The following SCIN variants were observed in gnomAD, a reference collection of about 807,000 sequenced individuals.
SCIN encodes scinderin.
Under a neutral mutation model 91.8 loss-of-function variants are expected in SCIN, and 91 were observed. The observed-to-expected ratio is 0.99, with a 90% CI of 0.84 to 1.18. The LOEUF is 1.18. SCIN is among the 50% of genes most tolerant of loss of function. The pLI is 0.00. For missense variants in SCIN, 1,087 were observed against 863.9 expected (o/e 1.26, Z -3.24); for synonymous variants, 367 against 312.6 (o/e 1.17, Z -1.84).
intron 4 of SCIN, among the ~76,000 whole-genome samples, chr7:12,612,234 T>C (rs1318001793): frequency 2.0e-5 from 3 of 152,200 alleles, no homozygotes; most frequent in Non-Finnish European, 4.4e-5. Context: ...GCATTGTGCC[T>C]GACACATAGG....
intron 3 of SCIN, among the ~76,000 whole-genome samples, chr7:12,585,028 C>T (rs1013352520): frequency 2.0e-5 from 3 of 152,056 alleles, no homozygotes; most frequent in Admixed American, 1.3e-4. Context: ...CTGTTTGGTC[C>T]GTGATGCAGC....
intron 4 of SCIN, among the ~76,000 whole-genome samples, chr7:12,620,901 C>T (rs702477): frequency 0.68 from 103,272 of 151,940 alleles, 35,138 homozygotes; most frequent in Admixed American, 0.75. Flanking sequence ...GAACAACTGA[C>T]GAAATTTTTA....
At chr7:12,649,647 AT>A in intron 14 of SCIN, 103 bp downstream of exon 14, 1 of 616,418 alleles carries the variant, frequency 1.6e-6, no homozygotes, top group Non-Finnish European at 2.7e-6. Context: ...GAGCCTAGAG[AT>A]TTAGGCTGTA....
chr7:12,648,218 TTA>T (rs1464090281), intron 13 of SCIN, among the ~76,000 whole-genome samples: 4 of 152,038 alleles, frequency 2.6e-5, no homozygotes, highest in African/African-American at 7.2e-5. Flanking sequence ...CATGCAAATA[TTA>T]TGTTATAATG....
intron 3 of SCIN, among the ~76,000 whole-genome samples, chr7:12,596,917 A>G (rs1782855089): frequency 6.6e-6 from 1 of 152,250 alleles, no homozygotes; most frequent in South Asian, 2.1e-4. Flanking sequence ...GACCTTCTAA[A>G]TATTTATTTC....
intron 9 of SCIN, among the ~76,000 whole-genome samples, chr7:12,629,626 G>A (rs731257): frequency 0.15 from 22,607 of 152,094 alleles, 2,495 homozygotes; most frequent in East Asian, 0.35. Context: ...AAAACCTGTA[G>A]GAGATACAAT....
Position 12,651,006 on chromosome 7 carries a change from C to T in SCIN, c.1960-835C>T, listed in dbSNP as rs1040927778. Among the ~76,000 whole-genome samples, 1 of 152,092 alleles carries T rather than the reference C, an allele frequency of 6.6e-6. No homozygotes were observed. The highest frequency in any genetic ancestry group is 2.4e-5 in the African/African-American group (1 of 41,392). On this transcript the variant is annotated intron_variant, in intron 14 of 15. Transcript: ENST00000297029. The surrounding 1 kb of genome is among the most constrained non-coding windows in gnomAD (Gnocchi z 5.9). ...TTCCCCTTCACTGTCCACAGGTTCACATAAAAATCAGTTGATAAAGGGCAG... is the reference window on the plus strand; with the variant it reads ...TTCCCCTTCACTGTCCACAGGTTCATATAAAAATCAGTTGATAAAGGGCAG...
intron 10 of SCIN, among the ~76,000 whole-genome samples, chr7:12,639,126 C>G (rs1783808726): frequency 6.6e-6 from 1 of 152,124 alleles, no homozygotes; most frequent in African/African-American, 2.4e-5. Context: ...ATATATTAAC[C>G]ATATTGAACA....
At chr7:12,623,006 C>G in intron 5 of SCIN, 113 bp downstream of exon 5, 1 of 610,986 alleles carries the variant, frequency 1.6e-6, no homozygotes, top group Non-Finnish European at 2.9e-6. Flanking sequence ...CATTGCTCTC[C>G]AAGAGCAATG....
intron 3 of SCIN, among the ~76,000 whole-genome samples, chr7:12,590,124 T>C (rs913729062): frequency 3.9e-5 from 6 of 152,200 alleles, no homozygotes; most frequent in Admixed American, 6.5e-5. Context: ...TCTGATTGTA[T>C]GGAGCCAGGG....
chr7:12,638,745 T>A (rs849765), intron 10 of SCIN, among the ~76,000 whole-genome samples: 1 of 152,056 alleles, frequency 6.6e-6, no homozygotes, highest in African/African-American at 2.4e-5. Context: ...GATACAAAAA[T>A]CAAGTTAAAT....
chr7:12,604,721 G>A (rs1783036487), intron 4 of SCIN, 58 bp downstream of exon 4: 3 of 1,372,718 alleles, frequency 2.2e-6, no homozygotes, highest in Non-Finnish European at 2.9e-6. Flanking sequence ...ATGTGTCTGT[G>A]TGGTGTGTGT....
At chr7:12,623,831 T>C (rs906138888) in intron 5 of SCIN, among the ~76,000 whole-genome samples, 3 of 152,174 alleles carry the variant, frequency 2.0e-5, no homozygotes, top group Middle Eastern at 3.2e-3. Flanking sequence ...TTTTTTTTCT[T>C]CTAGATGCAA....
rs376485554 is a variant in SCIN at position 12,581,060 on chromosome 7, G to T, written c.355G>T (p.Ala119Ser). 5.9e-5 allele frequency: 91 copies of T among 1,550,638 alleles called. No individual in the cohort carries two copies. The highest frequency in any genetic ancestry group is 7.6e-5 in the Non-Finnish European group (87 of 1,146,426). ...GTGTCTGTCTTCCCTCATTCATCAGGCTGGAGGCGTGGCATCTGGATTAAA... is the reference window on the plus strand; with the variant it reads ...GTGTCTGTCTTCCCTCATTCATCAGTCTGGAGGCGTGGCATCTGGATTAAA... Reference protein sequence around the residue: ...SYFKGGLKYKAGGVASGLNHV... With the variant: ...SYFKGGLKYKSGGVASGLNHV... The change falls in exon 3 of 16, where the codon GCT becomes TCT. Residue 119 changes from alanine (A) to serine (S), a missense_variant and splice_region_variant. Physicochemically the swap from Ala to Ser is moderately conservative, Grantham distance 99. Coordinates refer to ENST00000297029, the MANE Select transcript of SCIN (RefSeq NM_001112706.3).
intron 13 of SCIN, among the ~76,000 whole-genome samples, chr7:12,648,161 T>C (rs1468742596): frequency 6.6e-6 from 1 of 152,152 alleles, no homozygotes; most frequent in Non-Finnish European, 1.5e-5. Context: ...TAATGCTAAC[T>C]ATAATTTAAC....
At chr7:12,636,219 G>T (rs1455552363) in intron 10 of SCIN, 84 bp downstream of exon 10, 2 of 941,520 alleles carry the variant, frequency 2.1e-6, no homozygotes, top group Middle Eastern at 2.1e-4. Flanking sequence ...CCCAAGTTGG[G>T]ATAGAAATTT....
At chr7:12,580,175 A>G (rs1196730562) in intron 2 of SCIN, among the ~76,000 whole-genome samples, 1 of 152,088 alleles carries the variant, frequency 6.6e-6, no homozygotes, top group Non-Finnish European at 1.5e-5. Context: ...CATTATTATT[A>G]TAGAGGTCTT....
chr7:12,659,876 C>T lies in SCIN; in HGVS notation c.*7161C>T, dbSNP rs370694193. On this transcript the variant is annotated 3_prime_UTR_variant, in exon 16 of 16. Transcript: ENST00000297029. ...ATGGCCTGAAGCAATTGAAGATCTA[C>T]AAAAGAAGTGAAAATTACCTTAACT... 6.1e-6 allele frequency: 1 copy of T among 164,798 alleles called. No individual in the cohort carries two copies. The highest frequency in any genetic ancestry group is 1.3e-5 in the Non-Finnish European group (1 of 76,238). 10.2% of individuals were successfully genotyped at this position (164,798 alleles called of 1,614,324 possible).
chr7:12,642,115 T>C (rs1783869906), intron 11 of SCIN, among the ~76,000 whole-genome samples: 1 of 151,790 alleles, frequency 6.6e-6, no homozygotes, highest in South Asian at 2.1e-4. Context: ...ATAAATAATA[T>C]ATTTGTGTAC....
Sources: allele counts gnomAD v4.1 joint callset (sites outside exome capture counted in the v4.1 genomes callset), GRCh38; gene constraint gnomAD v4.1.1; non-coding constraint Gnocchi (gnomAD v3.1); transcripts MANE v1.5; gene names NCBI Gene and HGNC (gene_info 2026-07-23, HGNC 2026-07-21).